MTUS2: variants seen among roughly 807,000 people sequenced by gnomAD.
MTUS2 encodes microtubule associated scaffold protein 2, also known as microtubule-associated tumor suppressor candidate 2.
Under a neutral mutation model 114.1 loss-of-function variants are expected in MTUS2, and 40 were observed. The ratio of observed to expected loss-of-function variants is 0.35; its 90% CI spans 0.27 to 0.46. The LOEUF is 0.46. Among genes scored for constraint, MTUS2 ranks in the 20% least tolerant of loss-of-function variants. The probability of loss-of-function intolerance (pLI) is 1.00; values close to 1 mark genes in which losing one functional copy is unlikely to be tolerated. For synonymous variants in MTUS2, 688 were observed against 672.0 expected (o/e 1.02, Z -0.37); for missense variants, 1,679 against 1,705.4 (o/e 0.98, Z 0.27).
chr13:29,139,213 G>A (rs990585584), intron 5 of MTUS2, among the ~76,000 whole-genome samples: 1 of 152,126 alleles, frequency 6.6e-6, no homozygotes, highest in African/African-American at 2.4e-5. Context: ...CCATCTTACA[G>A]TGAGAAAGCA....
intron 5 of MTUS2, among the ~76,000 whole-genome samples, chr13:29,139,679 CTTATA>C (rs959444386): frequency 6.6e-6 from 1 of 152,028 alleles, no homozygotes; most frequent in African/African-American, 2.4e-5. Context: ...ATTGCATTGT[CTTATA>C]TTATAAGGAA....
chr13:29,279,204 G>C (rs1898177077), intron 5 of MTUS2, among the ~76,000 whole-genome samples: 1 of 152,202 alleles, frequency 6.6e-6, no homozygotes, highest in Non-Finnish European at 1.5e-5. Flanking sequence ...AGAGGTGGTA[G>C]GTAGAGGAGG....
chr13:29,339,160 T>C lies in MTUS2; in HGVS notation c.2905+14449T>C, dbSNP rs375709192. ...GTAGGAAGGCCCAATACAGACATTG[T>C]TGCACCTACTCCTAGAGCTCCCAAG... On this transcript the variant is annotated intron_variant, in intron 7 of 15. Transcript: ENST00000612955. 2.3e-3 allele frequency among the ~76,000 whole-genome samples: 349 copies of C among 152,124 alleles called. 4 individuals are homozygous for C. Among genetic ancestry groups the C allele is most frequent in the African/African-American group, 8.1e-3 (337 of 41,498 alleles).
chr13:29,404,022 A>C (rs1257267352), intron 8 of MTUS2, among the ~76,000 whole-genome samples: 3 of 151,832 alleles, frequency 2.0e-5, no homozygotes, highest in Non-Finnish European at 4.4e-5. Flanking sequence ...CACTCCATCT[A>C]TACTCTTATT....
rs78856264 is a variant in MTUS2, at chr13:29,157,125, G to T, written c.2644+56155G>T. 8.0e-3 allele frequency among the ~76,000 whole-genome samples: 1,219 copies of T among 152,172 alleles called. 12 individuals carry two copies. Among genetic ancestry groups the T allele is most frequent in the African/African-American group, 0.027 (1,140 of 41,504 alleles). On this transcript the variant is annotated intron_variant, in intron 5 of 15. Transcript: ENST00000612955. The stretch of plus-strand genomic sequence containing the variant: ...ATTACATGCATTCTCTGCCATGCTC[G>T]TGGGTATCTCGGTTTGTTTCCAATG...
intron 12 of MTUS2, 141 bp downstream of exon 12, chr13:29,492,860 G>A (rs746824308): frequency 3.0e-5 from 20 of 671,802 alleles, no homozygotes; most frequent in Admixed American, 1.4e-4. Context: ...AGTCATACTC[G>A]CTACTCTTAA....
At chr13:28,993,825 G>T (rs1276937949) in intron 2 of MTUS2, among the ~76,000 whole-genome samples, 1 of 151,724 alleles carries the variant, frequency 6.6e-6, no homozygotes, top group Non-Finnish European at 1.5e-5. Flanking sequence ...TTTCTTTGTA[G>T]TGAAATATTT....
intron 8 of MTUS2, among the ~76,000 whole-genome samples, chr13:29,404,918 AT>A (rs1874635670): frequency 6.6e-6 from 1 of 152,192 alleles, no homozygotes; most frequent in Non-Finnish European, 1.5e-5. Flanking sequence ...TTATCCTGGG[AT>A]CCTCACATCA....
intron 6 of MTUS2, among the ~76,000 whole-genome samples, chr13:29,314,888 A>G (rs985678398): frequency 1.3e-5 from 2 of 152,222 alleles, no homozygotes; most frequent in African/African-American, 2.4e-5. Flanking sequence ...GTTTATTGCA[A>G]CACTATTCAC....
At chr13:29,326,365 G>A (rs1464164718) in intron 7 of MTUS2, among the ~76,000 whole-genome samples, 1 of 152,106 alleles carries the variant, frequency 6.6e-6, no homozygotes, top group Non-Finnish European at 1.5e-5. Flanking sequence ...AAGGAAACAA[G>A]CCACCATAAA....
At chr13:29,448,812 G>A (rs1228816536) in intron 9 of MTUS2, among the ~76,000 whole-genome samples, 1 of 145,242 alleles carries the variant, frequency 6.9e-6, no homozygotes, top group Admixed American at 6.9e-5. Context: ...GGAGTGCAGT[G>A]GTGTGACCTC....
At chr13:28,985,495 A>T (rs1884539987) in intron 2 of MTUS2, among the ~76,000 whole-genome samples, 1 of 152,200 alleles carries the variant, frequency 6.6e-6, no homozygotes, top group Admixed American at 6.5e-5. Flanking sequence ...TCCAGTTATA[A>T]ATGCATTTTA....
At chr13:29,185,815 T>C (rs1111374) in intron 5 of MTUS2, among the ~76,000 whole-genome samples, 112,427 of 152,022 alleles carry the variant, frequency 0.74, 41,677 homozygotes, top group East Asian at 0.8. Context: ...TTAATATAAC[T>C]AGAAGATATC....
At position 29,321,903 on chromosome 13, in the gene MTUS2, T is replaced by C. The variant is rs532412151; in HGVS notation, c.2807-2710T>C. On this transcript the variant is annotated intron_variant, in intron 6 of 15. Coordinates refer to ENST00000612955, the MANE Select transcript of MTUS2 (RefSeq NM_001033602.4). Reference sequence around the variant, plus strand: ...ATTCCATGCATGCTGTTCAACTAGCTTTTTAATTTATCATGGGCAGCTTTC... The same window carrying C: ...ATTCCATGCATGCTGTTCAACTAGCCTTTTAATTTATCATGGGCAGCTTTC... 2.0e-5 allele frequency among the ~76,000 whole-genome samples: 3 copies of C among 152,364 alleles called. No individual in the cohort carries two copies. In the South Asian group the frequency reaches 6.2e-4, roughly 32 times the overall value.
chr13:28,876,884 TATTAA>T (rs1877968065), intron 2 of MTUS2, among the ~76,000 whole-genome samples: 1 of 152,222 alleles, frequency 6.6e-6, no homozygotes, highest in African/African-American at 2.4e-5. Flanking sequence ...GATAAATATT[TATTAA>T]ATTAATTTTT....
At chr13:29,278,539 G>T (rs967112497) in intron 5 of MTUS2, among the ~76,000 whole-genome samples, 1 of 152,088 alleles carries the variant, frequency 6.6e-6, no homozygotes, top group African/African-American at 2.4e-5. Flanking sequence ...TCTCAGCCTC[G>T]CCACCTGTCA....
At chr13:29,411,334 T>C (rs1305258602) in intron 8 of MTUS2, among the ~76,000 whole-genome samples, 2 of 152,258 alleles carry the variant, frequency 1.3e-5, no homozygotes, top group Non-Finnish European at 2.9e-5. Flanking sequence ...TGTTTATCTT[T>C]GTCTCAGCGA....
chr13:29,444,784 GC>G (rs1264316339), intron 9 of MTUS2, among the ~76,000 whole-genome samples: 3 of 152,204 alleles, frequency 2.0e-5, no homozygotes, highest in Non-Finnish European at 4.4e-5. Context: ...GGGGAAAAGT[GC>G]AGAAAAGGAA....
intron 5 of MTUS2, among the ~76,000 whole-genome samples, chr13:29,188,318 T>C (rs748996674): frequency 2.2e-4 from 33 of 152,156 alleles, no homozygotes; most frequent in Non-Finnish European, 3.2e-4. Context: ...ATGATTTAAA[T>C]ATAAATTATA....
Sources: gnomAD v4.1 joint callset for allele counts (sites outside exome capture counted in the v4.1 genomes callset) on GRCh38, gnomAD v4.1.1 for gene constraint, MANE v1.5 for transcripts, NCBI Gene and HGNC (gene_info 2026-07-23, HGNC 2026-07-21) for gene names.